BCAR1: variants seen among roughly 807,000 people sequenced by gnomAD.
BCAR1 encodes breast cancer anti-estrogen resistance protein 1.
In BCAR1, 30 loss-of-function variants were observed where a neutral mutation model predicts 67.6. The observed-to-expected ratio is 0.44, with a 90% confidence interval of 0.33 to 0.60. BCAR1 has a LOEUF of 0.60. Ranked by LOEUF, BCAR1 falls within the 20% of genes least tolerant of loss-of-function variation. The probability of loss-of-function intolerance (pLI) is 0.02; values close to 1 mark genes in which losing one functional copy is unlikely to be tolerated. For missense variants in BCAR1, 1,313 were observed against 1,222.3 expected, an observed-to-expected ratio of 1.07 and a Z score of -1.11; for synonymous variants, 626 against 556.7, an observed-to-expected ratio of 1.12 and a Z score of -1.75.
intron 4 of BCAR1, 103 bp from the exon 5 acceptor site, chr16:75,236,089 C>T (rs1223804982): frequency 8.5e-6 from 12 of 1,408,044 alleles, no homozygotes; most frequent in Middle Eastern, 2.2e-4. Context: ...TACACACATA[C>T]AGACACACAC....
intron 1 of BCAR1, chr16:75,263,692 G>C: frequency 1.0e-6 from 1 of 985,468 alleles, no homozygotes; most frequent in Non-Finnish European, 1.2e-6. Flanking sequence ...GTGGGCCAAA[G>C]TGCCTGCTGC....
chr16:75,257,655 A>G (rs1002419842), intron 1 of BCAR1, among the ~76,000 whole-genome samples: 1 of 152,102 alleles, frequency 6.6e-6, no homozygotes, highest in Non-Finnish European at 1.5e-5. Context: ...GGGTTTCACT[A>G]TATTGCCCAG....
At chr16:75,247,720 A>G (rs1597248379) in intron 1 of BCAR1, 1 of 309,096 alleles carries the variant, frequency 3.2e-6, no homozygotes, top group East Asian at 6.9e-5. Context: ...AGCCCAAACC[A>G]ACTGCAGAGA....
At chr16:75,252,180 C>G (rs1410267758), upstream of BCAR1, 5 of 1,535,830 alleles carry the variant, frequency 3.3e-6, no homozygotes, top group East Asian at 1.2e-4. Context: ...AATGAAGCCT[C>G]AAGCAGGGAG....
chr16:75,245,313 C>A (rs547413522), intron 1 of BCAR1, among the ~76,000 whole-genome samples: 1 of 152,354 alleles, frequency 6.6e-6, no homozygotes, highest in Admixed American at 6.5e-5. Context: ...CAGGAAGTGC[C>A]AGCAGAGTGA....
chr16:75,257,470 T>G (rs1468666572), intron 1 of BCAR1, among the ~76,000 whole-genome samples: 3 of 152,122 alleles, frequency 2.0e-5, no homozygotes, highest in African/African-American at 7.2e-5. Context: ...TTTTTTTTCT[T>G]TTTTTAAAGA....
intron 1 of BCAR1, among the ~76,000 whole-genome samples, chr16:75,267,238 C>T (rs920420034): frequency 6.6e-6 from 1 of 152,192 alleles, no homozygotes; most frequent in Non-Finnish European, 1.5e-5. Context: ...AGACCCAAGT[C>T]CCTGTTCTGG....
intron 1 of BCAR1, among the ~76,000 whole-genome samples, chr16:75,244,340 G>A (rs959956146): frequency 6.6e-6 from 1 of 152,260 alleles, no homozygotes; most frequent in Non-Finnish European, 1.5e-5. Context: ...AGTGAAACAA[G>A]GAAGAAAGGG....
rs1158012106 is a variant in BCAR1, at chr16:75,235,913, A to G, written c.986T>C (p.Val329Ala). ...CTTGGCCTTGGCGAAGGCGGGGGGC[A>G]CATCGTAGGTCTCCTCACGCAGCAG... The part of the protein sequence containing the change: ...GPLLREETYD[V>A]PPAFAKAKPF... Residue 329 changes from valine to alanine, a missense_variant, in exon 5 of 7, where the codon GTG becomes GCG. By Grantham distance (64) the Val-to-Ala change is moderately conservative (BLOSUM62 0). This residue lies in a region of BCAR1 where 1,272 missense variants were observed against 1,137.5 expected (regional missense o/e 1.12). Coordinates refer to ENST00000162330, the MANE Select transcript of BCAR1 (RefSeq NM_014567.5). 1 of 1,566,916 alleles carries G rather than the reference A, an allele frequency of 6.4e-7. No homozygotes were observed. Among genetic ancestry groups the G allele is most frequent in the Non-Finnish European group, 8.7e-7 (1 of 1,156,026 alleles).
At chr16:75,234,336 A>AGAGGGTG (rs1375120375) in intron 5 of BCAR1, among the ~76,000 whole-genome samples, 6 of 152,146 alleles carry the variant, frequency 3.9e-5, no homozygotes, top group African/African-American at 1.4e-4. Flanking sequence ...GAGACTGGGC[A>AGAGGGTG]GAGGGTGGGG....
chr16:75,238,907 C>G (rs1018892528), intron 2 of BCAR1: 1 of 985,290 alleles, frequency 1.0e-6, no homozygotes, highest in Admixed American at 6.1e-5. Flanking sequence ...GGTGGGGACC[C>G]AGCCTCAAGG....
intron 1 of BCAR1, among the ~76,000 whole-genome samples, chr16:75,261,074 C>T (rs1431720909): frequency 2.0e-5 from 3 of 152,316 alleles, no homozygotes; most frequent in East Asian, 1.9e-4. Context: ...TTCAGAGCCG[C>T]GACTTGTGAC....
Position 75,242,676 on chromosome 16 carries a change from T to C in BCAR1, c.427A>G (p.Lys143Glu), listed in dbSNP as rs771008018. The C allele has an allele frequency of 1.3e-6, 2 of 1,531,894 alleles. No individual in the cohort carries two copies. Among genetic ancestry groups the C allele is most frequent in the Non-Finnish European group, 8.8e-7 (1 of 1,141,286 alleles). The allele number at this position is 1,531,894 out of a possible 1,614,324, so 94.9% of individuals were successfully genotyped here. Residue 143 changes from lysine (K) to glutamate (E), a missense_variant, in exon 2 of 7, where the codon AAG (lysine) becomes GAG (glutamate). Physicochemically the swap from Lys to Glu is moderately conservative, Grantham distance 56. This residue lies in a region of BCAR1 where 1,272 missense variants were observed against 1,137.5 expected (regional missense o/e 1.12). Transcript: ENST00000162330. ...TGCTTCGAGAAGGTGGATGTCTGCT[T>C]GGCTGGGGGAGACTGGAACTGAGGG... Reference protein sequence around the residue: ...PSPQFQSPPAKQTSTFSKQTP... With the variant: ...PSPQFQSPPAEQTSTFSKQTP...
Position 75,229,517 on chromosome 16 carries a change from G to A in BCAR1, c.2607C>T (p.Ala869=), listed in dbSNP as rs575562171. The A allele has an allele frequency of 5.3e-5, 84 of 1,570,388 alleles. No individual in the cohort carries two copies. Among genetic ancestry groups the A allele is most frequent in the Admixed American group, 7.0e-5 (4 of 57,550 alleles). ...QFRRVLGQLA[A]A The stretch of plus-strand genomic sequence containing the variant: ...CCTCCTGGGGTCACCACCCTCAGGC[G>A]GCTGCCAGCTGGCCTAGGACGCGGC... Residue 869 remains alanine (A), a synonymous_variant, in exon 7 of 7, where the codon GCC becomes GCT. Transcript: ENST00000162330.
chr16:75,235,756 A>G lies in BCAR1; in HGVS notation c.1143T>C (p.Pro381=). ...LYDVPPGLRR[P]GPGTLYDVPR... ...GCACATCGTACAGGGTGCCCGGGCC[A>G]GGCCGCCGCAAGCCAGGGGGCACGT... is the stretch of plus-strand genomic sequence containing the variant. Residue 381 remains proline (P), a synonymous_variant, in exon 5 of 7, where the codon CCT becomes CCC. Transcript: ENST00000162330. 6.3e-7 allele frequency: 1 copy of G among 1,591,792 alleles called. No homozygotes were observed. Among genetic ancestry groups the G allele is most frequent in the Non-Finnish European group, 8.6e-7 (1 of 1,169,074 alleles).
intron 1 of BCAR1, among the ~76,000 whole-genome samples, chr16:75,267,005 G>A (rs2078018757): frequency 6.6e-6 from 1 of 152,210 alleles, no homozygotes; most frequent in East Asian, 1.9e-4. Context: ...AGGAGGCCAC[G>A]GTGGCTGGAT....
At position 75,229,438 on chromosome 16, in the gene BCAR1, G is replaced by A. The variant is rs909136271; in HGVS notation, c.*73C>T. The A allele has an allele frequency of 3.5e-5, 51 of 1,447,158 alleles. No individual in the cohort carries two copies. The highest frequency in any genetic ancestry group is 3.3e-4 in the Admixed American group (13 of 39,630). 89.6% of individuals were successfully genotyped at this position (1,447,158 alleles called of 1,614,324 possible). Reference sequence around the variant, plus strand: ...CCTGTCCCTAAGCCTGTGGCACAGCGACTCTTGACATGGGAGCCAGGGAGC... The same window carrying A: ...CCTGTCCCTAAGCCTGTGGCACAGCAACTCTTGACATGGGAGCCAGGGAGC... On this transcript the variant is annotated 3_prime_UTR_variant, in exon 7 of 7. Coordinates refer to ENST00000162330, the MANE Select transcript of BCAR1 (RefSeq NM_014567.5).
intron 1 of BCAR1, among the ~76,000 whole-genome samples, chr16:75,265,451 C>T (rs2077987027): frequency 6.6e-6 from 1 of 152,186 alleles, no homozygotes; most frequent in Admixed American, 6.5e-5. Context: ...GAGACCCCTC[C>T]CCGCTAGGCC....
chr16:75,238,263 C>G (rs905000802), intron 2 of BCAR1: 6 of 1,163,562 alleles, frequency 5.2e-6, no homozygotes, highest in Non-Finnish European at 6.5e-6. Flanking sequence ...AGGTCAAGGC[C>G]TCCCTGGTGG....
Sources: allele counts gnomAD v4.1 joint callset (sites outside exome capture counted in the v4.1 genomes callset), GRCh38; gene constraint gnomAD v4.1.1; regional missense constraint gnomAD v4.1.1; transcripts MANE v1.5; gene names NCBI Gene and HGNC (gene_info 2026-07-23, HGNC 2026-07-21).